The following NHLRC2 variants were observed in gnomAD, a reference collection of about 807,000 sequenced individuals.
The protein encoded by NHLRC2 is NHL repeat-containing protein 2.
Under a neutral mutation model 68.1 loss-of-function variants are expected in NHLRC2, and 33 were observed. That is an observed-to-expected ratio of 0.48 (90% CI 0.37 to 0.65). The LOEUF (loss-of-function observed/expected upper bound fraction) is 0.65. NHLRC2 is among the 30% of genes least tolerant of loss of function. The pLI is 0.00. For synonymous variants in NHLRC2, 311 were observed against 309.6 expected (o/e 1.00, Z -0.05); for missense variants, 761 against 853.8 (o/e 0.89, Z 1.35).
intron 5 of NHLRC2, among the ~76,000 whole-genome samples, chr10:113,891,798 G>T (rs1382167688): frequency 6.6e-6 from 1 of 152,196 alleles, no homozygotes; most frequent in Admixed American, 6.5e-5. Flanking sequence ...CTGTTGTTCA[G>T]CCTCAGCCTT....
At position 113,901,748 on chromosome 10, in the gene NHLRC2, G is replaced by C. The variant is rs1846231213; in HGVS notation, c.1222G>C (p.Gly408Arg). Residue 408 changes from glycine (G) to arginine (R), a missense_variant, in exon 7 of 11, where the codon GGT becomes CGT. Physicochemically the swap from Gly to Arg is moderately radical, Grantham distance 125. Transcript: ENST00000369301. ...NRNNAYPHKAGFAQPSGLSLA... is the reference protein window; with the variant it reads ...NRNNAYPHKARFAQPSGLSLA... The stretch of plus-strand genomic sequence containing the variant: ...AAACAATGCCTATCCTCACAAGGCA[G>C]GTTTTGCCCAACCTTCAGGCCTTTC... 2 of 1,614,080 alleles carry C rather than the reference G, an allele frequency of 1.2e-6. No individual in the cohort carries two copies. The highest frequency in any genetic ancestry group is 1.7e-6 in the Non-Finnish European group (2 of 1,180,008).
At chr10:113,896,274 C>G (rs1031860196) in intron 5 of NHLRC2, among the ~76,000 whole-genome samples, 2 of 151,848 alleles carry the variant, frequency 1.3e-5, no homozygotes, top group African/African-American at 4.8e-5. Flanking sequence ...CTCAAATGTC[C>G]AACAATGATA....
chr10:113,913,847 G>GT lies in NHLRC2; in HGVS notation c.*5329dup, dbSNP rs1166883832. On this transcript the variant is annotated 3_prime_UTR_variant, in exon 11 of 11. Transcript: ENST00000369301. ...AGGTACTTTTTGTTGTTGTTGTTTT[G>GT]TTTTTTTTTTTTTTTTTTGAGATGG... is the stretch of plus-strand genomic sequence containing the variant. The GT allele has an allele frequency of 0.081, 9,790 of 121,494 alleles. 571 individuals are homozygous for GT. Among genetic ancestry groups the GT allele is most frequent in the East Asian group, 0.13 (563 of 4,264 alleles). 7.5% of individuals were successfully genotyped at this position (121,494 alleles called of 1,614,324 possible).
At chr10:113,896,312 T>C (rs1846177201) in intron 5 of NHLRC2, among the ~76,000 whole-genome samples, 2 of 151,994 alleles carry the variant, frequency 1.3e-5, no homozygotes, top group African/African-American at 2.4e-5. Flanking sequence ...GTGGCACATA[T>C]ACACCATGGA....
chr10:113,881,921 C>T (rs1846039067), intron 4 of NHLRC2, among the ~76,000 whole-genome samples: 1 of 151,684 alleles, frequency 6.6e-6, no homozygotes, highest in Non-Finnish European at 1.5e-5. Flanking sequence ...TTTGCCTTTT[C>T]CAAACATTTT....
intron 5 of NHLRC2, among the ~76,000 whole-genome samples, chr10:113,889,074 G>A (rs1233555955): frequency 1.3e-5 from 2 of 152,068 alleles, no homozygotes; most frequent in Non-Finnish European, 2.9e-5. Flanking sequence ...TGATTTGCCC[G>A]CCTTGGCCTC....
chr10:113,895,045 A>C (rs1268768071), intron 5 of NHLRC2, among the ~76,000 whole-genome samples: 1 of 152,148 alleles, frequency 6.6e-6, no homozygotes, highest in Non-Finnish European at 1.5e-5. Flanking sequence ...TTATCATATG[A>C]TATATTACCC....
chr10:113,903,006 T>C (rs1305193896), intron 8 of NHLRC2, among the ~76,000 whole-genome samples: 1 of 152,246 alleles, frequency 6.6e-6, no homozygotes, highest in Non-Finnish European at 1.5e-5. Context: ...GTCTATTAAA[T>C]TGTCTTAAGT....
At position 113,854,945 on chromosome 10, in the gene NHLRC2, C is replaced by A; in HGVS notation, c.73C>A (p.Leu25Met). 8 of 1,555,156 alleles carry A rather than the reference C, an allele frequency of 5.1e-6. No homozygotes were observed. The highest frequency in any genetic ancestry group is 7.0e-6 in the Non-Finnish European group (8 of 1,148,934). The change falls in exon 1 of 11, where the codon CTG becomes ATG. Residue 25 changes from leucine to methionine, a missense_variant. Leu to Met is a conservative substitution (Grantham distance 15). Coordinates refer to ENST00000369301, the MANE Select transcript of NHLRC2 (RefSeq NM_198514.4). The stretch of plus-strand genomic sequence containing the variant: ...CGCGCAGACCTCGCTAGAGTACGCC[C>A]TGCTCGACGCCGTTACCCAGCAGGA... ...LPAQTSLEYALLDAVTQQEKD... is the reference protein window; with the variant it reads ...LPAQTSLEYAMLDAVTQQEKD...
intron 2 of NHLRC2, among the ~76,000 whole-genome samples, chr10:113,874,469 TG>T (rs1845960616): frequency 6.6e-6 from 1 of 150,932 alleles, no homozygotes; most frequent in Admixed American, 6.6e-5. Context: ...TGTGTGTGTG[TG>T]TGTGTGTGTG....
At chr10:113,893,943 TGAAA>T (rs1846155224) in intron 5 of NHLRC2, among the ~76,000 whole-genome samples, 1 of 152,108 alleles carries the variant, frequency 6.6e-6, no homozygotes, top group Non-Finnish European at 1.5e-5. Flanking sequence ...GACATTGATG[TGAAA>T]GAGAAAGAAA....
chr10:113,904,840 T>G lies in NHLRC2; in HGVS notation c.1728T>G (p.Asn576Lys), dbSNP rs774233253. ...AGCTCCCCATCTTCAGATCTGAAAA[T>G]GCTGTGGTAGATGGCCCGTTCCTAG... is the stretch of plus-strand genomic sequence containing the variant. Reference protein sequence around the residue: ...VSVLPIFRSENAVVDGPFLVE... With the variant: ...VSVLPIFRSEKAVVDGPFLVE... Residue 576 changes from asparagine (N) to lysine (K), a missense_variant, in exon 10 of 11, where the codon AAT becomes AAG. Physicochemically the swap from Asn to Lys is moderately conservative, Grantham distance 94. Coordinates refer to ENST00000369301, the MANE Select transcript of NHLRC2 (RefSeq NM_198514.4). The G allele has an allele frequency of 6.2e-7, 1 of 1,613,600 alleles. No individual in the cohort carries two copies. The highest frequency in any genetic ancestry group is 1.3e-5 in the African/African-American group (1 of 74,898).
intron 2 of NHLRC2, among the ~76,000 whole-genome samples, chr10:113,866,823 A>T (rs1845872217): frequency 6.6e-6 from 1 of 151,136 alleles, no homozygotes; most frequent in Admixed American, 6.6e-5. Context: ...AATTGTACTC[A>T]TGACTATATT....
At position 113,879,633 on chromosome 10, in the gene NHLRC2, G is replaced by T; in HGVS notation, c.847G>T (p.Gly283Cys). The T allele has an allele frequency of 3.2e-6, 5 of 1,576,854 alleles. No homozygotes were observed. The highest frequency in any genetic ancestry group is 4.3e-6 in the Non-Finnish European group (5 of 1,151,582). Residue 283 changes from glycine to cysteine, a missense_variant, in exon 4 of 11, where the codon GGT becomes TGT. By Grantham distance (159) the Gly-to-Cys change is radical. Coordinates refer to ENST00000369301, the MANE Select transcript of NHLRC2 (RefSeq NM_198514.4). ...AGAATCAACTTTTAATTCTCCACAG[G>T]GTGTAGCCATAATGAATAATATCAT... Reference protein sequence around the residue: ...FSESTFNSPQGVAIMNNIIYV... With the variant: ...FSESTFNSPQCVAIMNNIIYV...
chr10:113,892,370 T>G (rs1032535509), intron 5 of NHLRC2, among the ~76,000 whole-genome samples: 2 of 152,218 alleles, frequency 1.3e-5, no homozygotes, highest in African/African-American at 2.4e-5. Flanking sequence ...AATTTGTGAT[T>G]GTTGAAAGTC....
At chr10:113,896,586 C>T (rs1477006839) in intron 5 of NHLRC2, among the ~76,000 whole-genome samples, 7 of 151,738 alleles carry the variant, frequency 4.6e-5, no homozygotes, top group Non-Finnish European at 1.0e-4. Flanking sequence ...TTAGTGGGTG[C>T]AGCGCACCAG....
chr10:113,903,728 G>A lies in NHLRC2; in HGVS notation c.1696G>A (p.Val566Ile). 1.3e-6 allele frequency: 2 copies of A among 1,489,602 alleles called. No homozygotes were observed. Among genetic ancestry groups the A allele is most frequent in the Non-Finnish European group, 1.9e-6 (2 of 1,068,266 alleles). The allele number at this position is 1,489,602 out of a possible 1,614,324, so 92.3% of individuals were successfully genotyped here. ...AGTGATGGATTTAGAAACTAAAATG[G>A]TATCTGTGGTAAGTAATTTTAAAAT... The part of the protein sequence containing the change: ...IKVMDLETKM[V>I]SVLPIFRSEN... Residue 566 changes from valine (V) to isoleucine (I), a missense_variant, in exon 9 of 11, where the codon GTA (valine) becomes ATA (isoleucine). Coordinates refer to ENST00000369301, the MANE Select transcript of NHLRC2 (RefSeq NM_198514.4).
At chr10:113,885,376 C>T (rs987885085) in intron 5 of NHLRC2, among the ~76,000 whole-genome samples, 3 of 151,732 alleles carry the variant, frequency 2.0e-5, no homozygotes, top group African/African-American at 7.3e-5. Flanking sequence ...CATAGCTCAC[C>T]GAAGGGGATA....
chr10:113,858,161 TAGC>T (rs1845778200), intron 1 of NHLRC2, among the ~76,000 whole-genome samples: 1 of 151,800 alleles, frequency 6.6e-6, no homozygotes, highest in Non-Finnish European at 1.5e-5. Flanking sequence ...GGCATCATAA[TAGC>T]AGCTTTCCCA....
Sources: gnomAD v4.1 joint callset for allele counts (sites outside exome capture counted in the v4.1 genomes callset) on GRCh38, gnomAD v4.1.1 for gene constraint, MANE v1.5 for transcripts, NCBI Gene and HGNC (gene_info 2026-07-23, HGNC 2026-07-21) for gene names.